The following RORB variants were observed in gnomAD, a reference collection of about 807,000 sequenced individuals.
RORB encodes RAR related orphan receptor B.
RORB carries 6 observed loss-of-function variants against 59.1 expected under a neutral mutation model. The observed-to-expected ratio is 0.10, with a 90% CI of 0.06 to 0.20. RORB has a LOEUF of 0.20. Ranked by LOEUF, RORB falls within the 10% of genes least tolerant of loss-of-function variation. The pLI is 1.00. For missense variants in RORB, 320 were observed against 560.5 expected, an observed-to-expected ratio of 0.57 and a Z score of 4.33; for synonymous variants, 215 against 204.5, an observed-to-expected ratio of 1.05 and a Z score of -0.44.
At chr9:74,632,681 A>G (rs7032677) in intron 2 of RORB, among the ~76,000 whole-genome samples, 68,129 of 151,956 alleles carry the variant, frequency 0.45, 16,816 homozygotes, top group East Asian at 0.77. Context: ...TGACTTCAGA[A>G]AAGTCTTTTC....
In RORB at chr9:74,692,012, A is replaced by G. The variant is rs541071044; in HGVS notation, c.*6394A>G. The G allele has an allele frequency of 6.6e-6, 1 of 152,370 alleles. No homozygotes were observed. Among genetic ancestry groups the G allele is most frequent in the South Asian group, 2.1e-4 (1 of 4,830 alleles). 9.4% of individuals were successfully genotyped at this position (152,370 alleles called of 1,614,324 possible). On this transcript the variant is annotated 3_prime_UTR_variant, in exon 10 of 10. Coordinates refer to ENST00000376896, the MANE Select transcript of RORB (RefSeq NM_006914.4). ...TTCCTTGTAGCAAATGGCTTTGTCC[A>G]AATCCTTTCTGCATGGAATAGCTTA...
intron 4 of RORB, among the ~76,000 whole-genome samples, chr9:74,656,946 A>G (rs567572284): frequency 6.6e-6 from 1 of 152,210 alleles, no homozygotes; most frequent in African/African-American, 2.4e-5. Flanking sequence ...CATCTCCTCC[A>G]TGCACCCTGT....
At chr9:74,573,071 T>C (rs113892905) in intron 1 of RORB, among the ~76,000 whole-genome samples, 23 of 152,330 alleles carry the variant, frequency 1.5e-4, no homozygotes, top group African/African-American at 5.3e-4. Flanking sequence ...AGTATATAAC[T>C]TGAGGTAAAA....
In RORB at chr9:74,688,550, G is replaced by A. The variant is rs539607792; in HGVS notation, c.*2932G>A. The A allele has an allele frequency of 9.2e-4, 139 of 151,330 alleles. No individual in the cohort carries two copies. The highest frequency in any genetic ancestry group is 2.9e-3 in the African/African-American group (121 of 41,216). The allele number at this position is 151,330 out of a possible 1,614,324, so 9.4% of individuals were successfully genotyped here. On this transcript the variant is annotated 3_prime_UTR_variant, in exon 10 of 10. Coordinates refer to ENST00000376896, the MANE Select transcript of RORB (RefSeq NM_006914.4). ...TAAATGACAATCACTGCTTGATGCA[G>A]ATGTTGCACTGTATCCACTCAGGGA...
intron 1 of RORB, among the ~76,000 whole-genome samples, chr9:74,579,047 C>T (rs1212293772): frequency 3.9e-5 from 6 of 152,044 alleles, no homozygotes; most frequent in Non-Finnish European, 7.4e-5. Context: ...CTCTATTAAT[C>T]CTATGTATGA....
At chr9:74,569,962 C>G (rs1474006979) in intron 1 of RORB, among the ~76,000 whole-genome samples, 1 of 151,726 alleles carries the variant, frequency 6.6e-6, no homozygotes, top group African/African-American at 2.4e-5. Flanking sequence ...TTATTTTCTC[C>G]TCCCCTCCTA....
intron 3 of RORB, among the ~76,000 whole-genome samples, chr9:74,640,398 C>A (rs1405437152): frequency 6.6e-6 from 1 of 151,788 alleles, no homozygotes; most frequent in South Asian, 2.1e-4. Flanking sequence ...CACACCACCA[C>A]GCCCACAAGC....
At chr9:74,621,821 T>G (rs1823424541) in intron 1 of RORB, among the ~76,000 whole-genome samples, 1 of 152,230 alleles carries the variant, frequency 6.6e-6, no homozygotes, top group African/African-American at 2.4e-5. Flanking sequence ...CTTAATGACA[T>G]ATGATATTCA....
intron 1 of RORB, among the ~76,000 whole-genome samples, chr9:74,508,968 T>A (rs1461973587): frequency 6.6e-6 from 1 of 151,992 alleles, no homozygotes; most frequent in Non-Finnish European, 1.5e-5. Context: ...TAGATATCCC[T>A]AATCAACTAT....
chr9:74,654,333 G>GGA (rs60137307), intron 4 of RORB, among the ~76,000 whole-genome samples: 1,490 of 138,690 alleles, frequency 0.011, 10 homozygotes, highest in East Asian at 0.03. Flanking sequence ...CAGTCTCAGG[G>GGA]GAGAGAGAGA....
At chr9:74,510,582 G>A (rs1587333150) in intron 1 of RORB, among the ~76,000 whole-genome samples, 1 of 152,064 alleles carries the variant, frequency 6.6e-6, no homozygotes, top group Admixed American at 6.6e-5. Flanking sequence ...CTCTCAATAA[G>A]CTTATGTAGC....
At chr9:74,499,317 A>G (rs1425642064) in intron 1 of RORB, among the ~76,000 whole-genome samples, 2 of 152,088 alleles carry the variant, frequency 1.3e-5, no homozygotes, top group Non-Finnish European at 2.9e-5. Context: ...TCTCCCACCC[A>G]GTCCCCCTAC....
At chr9:74,530,654 G>A (rs1669112120) in intron 1 of RORB, among the ~76,000 whole-genome samples, 1 of 151,974 alleles carries the variant, frequency 6.6e-6, no homozygotes, top group Non-Finnish European at 1.5e-5. Context: ...ATCCTTCCAC[G>A]CTGTCCTCAA....
intron 1 of RORB, among the ~76,000 whole-genome samples, chr9:74,502,406 G>C (rs543596468): frequency 6.6e-6 from 1 of 152,096 alleles, no homozygotes; most frequent in Admixed American, 6.5e-5. Context: ...TAAGTAAATT[G>C]CTTTTTCAGC....
Position 74,549,439 on chromosome 9 carries a change from G to A in RORB, c.7+51456G>A, listed in dbSNP as rs1281217067. Among the ~76,000 whole-genome samples, 587 of 65,254 alleles carry A rather than the reference G, an allele frequency of 9.0e-3. 32 individuals are homozygous for A. Among genetic ancestry groups the A allele is most frequent in the African/African-American group, 0.046 (556 of 12,200 alleles). 42.8% of individuals were successfully genotyped at this position (65,254 alleles called of 152,430 possible). Reference sequence around the variant, plus strand: ...AGCCTGGGCAACAGAGCAAAATTCCGTCAAAAAAAAAAAAAGAAGAAAGAG... The same window carrying A: ...AGCCTGGGCAACAGAGCAAAATTCCATCAAAAAAAAAAAAAGAAGAAAGAG... On this transcript the variant is annotated intron_variant, in intron 1 of 9. Coordinates refer to ENST00000376896, the MANE Select transcript of RORB (RefSeq NM_006914.4).
intron 1 of RORB, among the ~76,000 whole-genome samples, chr9:74,506,205 G>C (rs552440130): frequency 2.6e-5 from 4 of 152,124 alleles, no homozygotes; most frequent in East Asian, 3.9e-4. Flanking sequence ...TGAAGTAATA[G>C]AGTATGTAGG....
chr9:74,608,736 C>T lies in RORB; in HGVS notation c.8-21546C>T, dbSNP rs576362779. On this transcript the variant is annotated intron_variant, in intron 1 of 9. Transcript: ENST00000376896. ...AATCAAAGTTAAGATATTTGCAAAC[C>T]CAGTCGCCAGAATAATTTTACTACT... Among the ~76,000 whole-genome samples, 19 of 152,094 alleles carry T rather than the reference C, an allele frequency of 1.2e-4. No individual in the cohort carries two copies. In the Middle Eastern group the frequency reaches 0.01, roughly 82 times the overall value.
At chr9:74,680,027 C>G (rs1193712302) in intron 9 of RORB, among the ~76,000 whole-genome samples, 1 of 151,988 alleles carries the variant, frequency 6.6e-6, no homozygotes, top group Admixed American at 6.6e-5. Context: ...TGCTTGAACC[C>G]GGGAGGTGGA....
chr9:74,652,736 T>C (rs986126229), intron 4 of RORB, among the ~76,000 whole-genome samples: 6 of 152,170 alleles, frequency 3.9e-5, no homozygotes, highest in Non-Finnish European at 7.3e-5. Flanking sequence ...AGAATTTGCA[T>C]GTAAAGGAGA....
Sources: gnomAD v4.1 joint callset for allele counts (sites outside exome capture counted in the v4.1 genomes callset) on GRCh38, gnomAD v4.1.1 for gene constraint, MANE v1.5 for transcripts, NCBI Gene and HGNC (gene_info 2026-07-23, HGNC 2026-07-21) for gene names.